SUPT3H: variants seen among roughly 807,000 people sequenced by gnomAD.
The protein encoded by SUPT3H is transcription initiation protein SPT3 homolog.
A neutral mutation model predicts 44.3 loss-of-function variants in SUPT3H; 44 were observed. The observed-to-expected ratio is 0.99, with a 90% CI of 0.78 to 1.28. The LOEUF is 1.28. Among genes scored for constraint, SUPT3H ranks in the 50% most tolerant of loss-of-function variants. SUPT3H has a pLI of 0.00. For missense variants in SUPT3H, 380 were observed against 387.1 expected, an observed-to-expected ratio of 0.98 and a Z score of 0.15; for synonymous variants, 124 against 125.6, an observed-to-expected ratio of 0.99 and a Z score of 0.09.
At chr6:44,967,707 T>C (rs1776966532) in intron 6 of SUPT3H, among the ~76,000 whole-genome samples, 1 of 152,218 alleles carries the variant, frequency 6.6e-6, no homozygotes. Flanking sequence ...ACATGGCATT[T>C]AACTTTCTTC....
At chr6:45,160,543 A>G (rs995586101) in intron 2 of SUPT3H, among the ~76,000 whole-genome samples, 2 of 152,158 alleles carry the variant, frequency 1.3e-5, no homozygotes, top group Non-Finnish European at 2.9e-5. Context: ...TTTAGCTGGG[A>G]AAAACATTTT....
At chr6:45,088,986 G>C (rs1170832019) in intron 3 of SUPT3H, among the ~76,000 whole-genome samples, 1 of 151,900 alleles carries the variant, frequency 6.6e-6, no homozygotes, top group African/African-American at 2.4e-5. Flanking sequence ...TTCTTTACCA[G>C]AATAAGATGT....
intron 9 of SUPT3H, among the ~76,000 whole-genome samples, chr6:44,948,902 A>G (rs1773803365): frequency 6.6e-6 from 1 of 152,302 alleles, no homozygotes; most frequent in East Asian, 1.9e-4. Context: ...TATATACCCA[A>G]AGGATTATAA....
At chr6:44,983,812 C>A (rs1779418359) in intron 6 of SUPT3H, among the ~76,000 whole-genome samples, 1 of 152,152 alleles carries the variant, frequency 6.6e-6, no homozygotes. Context: ...AAGAGCTTGA[C>A]TGGAAGTACA....
At chr6:45,234,990 T>C (rs1768822741) in intron 2 of SUPT3H, among the ~76,000 whole-genome samples, 1 of 151,990 alleles carries the variant, frequency 6.6e-6, no homozygotes, top group Non-Finnish European at 1.5e-5. Context: ...CTGTCTAACA[T>C]GAAAATACCT....
chr6:45,124,012 G>A (rs111342678), intron 2 of SUPT3H, among the ~76,000 whole-genome samples: 45 of 152,162 alleles, frequency 3.0e-4, no homozygotes, highest in African/African-American at 1.0e-3. Context: ...TGTTGATTTC[G>A]CCTTCAAGCC....
chr6:45,306,645 T>C (rs1264654853), intron 2 of SUPT3H, among the ~76,000 whole-genome samples: 1 of 151,918 alleles, frequency 6.6e-6, no homozygotes, highest in Non-Finnish European at 1.5e-5. Flanking sequence ...ACCAAAAGAA[T>C]ACAATCGGGC....
Position 45,014,874 on chromosome 6 carries a change from C to A in SUPT3H, c.291G>T (p.Leu97=). Residue 97 remains leucine, a synonymous_variant, in exon 5 of 11, where the codon CTG becomes CTT. Transcript: ENST00000371459. ...AGTCTCGGATAAACATGTATTTTAGCAGTCTTCTAAGTTTTTTCTATTAAA... is the reference window on the plus strand; with the variant it reads ...AGTCTCGGATAAACATGTATTTTAGAAGTCTTCTAAGTTTTTTCTATTAAA... ...MRKDKKKLRR[L]LKYMFIRDYK... is the part of the protein sequence containing the mutation. 2 of 1,578,082 alleles carry A rather than the reference C, an allele frequency of 1.3e-6. No homozygotes were observed. Among genetic ancestry groups the A allele is most frequent in the South Asian group, 1.2e-5 (1 of 83,082 alleles).
At chr6:45,134,904 C>T (rs780155468) in intron 2 of SUPT3H, among the ~76,000 whole-genome samples, 1 of 152,196 alleles carries the variant, frequency 6.6e-6, no homozygotes, top group Non-Finnish European at 1.5e-5. Context: ...CTCTCTGTGG[C>T]AGCTCTACCC....
At chr6:44,939,469 T>G (rs1772043546) in intron 9 of SUPT3H, among the ~76,000 whole-genome samples, 1 of 152,114 alleles carries the variant, frequency 6.6e-6, no homozygotes, top group African/African-American at 2.4e-5. Flanking sequence ...TTTGTTAGTA[T>G]TTTGTTGAGG....
chr6:45,339,530 A>G (rs1304047546), intron 2 of SUPT3H, among the ~76,000 whole-genome samples: 1 of 152,162 alleles, frequency 6.6e-6, no homozygotes, highest in African/African-American at 2.4e-5. Context: ...TAGAGGTGAT[A>G]GTCAATGGTT....
intron 3 of SUPT3H, among the ~76,000 whole-genome samples, chr6:45,029,005 G>A (rs1224782844): frequency 4.0e-5 from 6 of 151,026 alleles, no homozygotes; most frequent in Admixed American, 4.0e-4. Flanking sequence ...AGCTAAGTAA[G>A]TATTTGAAAG....
chr6:45,126,098 T>C (rs146644130), intron 2 of SUPT3H, among the ~76,000 whole-genome samples: 265 of 152,324 alleles, frequency 1.7e-3, no homozygotes, highest in Middle Eastern at 3.4e-3. Flanking sequence ...CAAATTTAAA[T>C]TTCAGGGCTG....
intron 6 of SUPT3H, 151 bp downstream of exon 6, chr6:45,003,502 G>A (rs1318609541): frequency 2.6e-6 from 2 of 770,544 alleles, no homozygotes; most frequent in Non-Finnish European, 1.9e-6. Flanking sequence ...CCCACTTCAG[G>A]GGCTGATCCT....
At chr6:44,928,882 C>CAAAATAAAAAAAAT (rs1491206167) in intron 10 of SUPT3H, among the ~76,000 whole-genome samples, 2 of 20,650 alleles carry the variant, frequency 9.7e-5, no homozygotes, top group African/African-American at 3.2e-4. Flanking sequence ...GACTCCGTCT[C>CAAAATAAAAAAAAT]AAAAAAAAAA....
intron 2 of SUPT3H, among the ~76,000 whole-genome samples, chr6:45,190,992 A>G (rs1360440796): frequency 6.6e-6 from 1 of 152,110 alleles, no homozygotes; most frequent in African/African-American, 2.4e-5. Flanking sequence ...GCCACTTTGG[A>G]AAATAATTTG....
At chr6:45,064,636 C>CA (rs1194026217) in intron 3 of SUPT3H, among the ~76,000 whole-genome samples, 1 of 134,502 alleles carries the variant, frequency 7.4e-6, no homozygotes, top group Non-Finnish European at 1.6e-5. Context: ...AAATGGAAAA[C>CA]AAAAAAAGGC....
In SUPT3H at chr6:45,232,224, A is replaced by G. The variant is rs942873613; in HGVS notation, c.102-126218T>C. ...CTTCTTAGGGGAGAACTTTTTCTGA[A>G]GATGTACCAATTGTGCTGGTTGGGT... On this transcript the variant is annotated intron_variant, in intron 2 of 10. Transcript: ENST00000371459. Among the ~76,000 whole-genome samples the G allele has an allele frequency of 1.1e-4, 16 of 152,246 alleles. 1 individual carries two copies. Among genetic ancestry groups the G allele is most frequent in the Admixed American group, 7.8e-4 (12 of 15,290 alleles).
intron 2 of SUPT3H, among the ~76,000 whole-genome samples, chr6:45,301,358 T>C (rs1170250483): frequency 2.6e-5 from 4 of 152,266 alleles, no homozygotes; most frequent in African/African-American, 9.6e-5. Flanking sequence ...TCCAGCTTTA[T>C]ATAATTTCAA....
Sources: allele counts gnomAD v4.1 joint callset (sites outside exome capture counted in the v4.1 genomes callset), GRCh38; gene constraint gnomAD v4.1.1; transcripts MANE v1.5; gene names NCBI Gene and HGNC (gene_info 2026-07-23, HGNC 2026-07-21).